The following CFAP47 variants were observed in gnomAD, a reference collection of about 807,000 sequenced individuals.
CFAP47 encodes the protein cilia- and flagella-associated protein 47.
A neutral mutation model predicts 148.1 loss-of-function variants in CFAP47; 29 were observed. The observed-to-expected ratio is 0.20, with a 90% CI of 0.15 to 0.27. The LOEUF is 0.27. Ranked by LOEUF, CFAP47 falls within the 10% of genes least tolerant of loss-of-function variation. CFAP47 has a pLI of 1.00. For synonymous variants in CFAP47, 664 were observed against 577.3 expected (o/e 1.15, Z -2.15); for missense variants, 1,872 against 1,697.5 (o/e 1.10, Z -1.81).
At position 35,966,696 on chromosome X, in the gene CFAP47, A is replaced by C; in HGVS notation, c.1542A>C (p.Leu514Phe). Residue 514 changes from leucine (L) to phenylalanine (F), a missense_variant, in exon 9 of 64, where the codon TTA (leucine) becomes TTC (phenylalanine). Transcript: ENST00000378653. The part of the protein sequence containing the change: ...LSVKSFHHVY[L>F]AFNSICKAST... ...TAAAATCTTTCCATCACGTATATTT[A>C]GCTTTCAACAGCATCTGTAAAGCTT... 8.5e-7 allele frequency: 1 copy of C among 1,181,226 alleles called. No homozygotes were observed. Among genetic ancestry groups the C allele is most frequent in the Non-Finnish European group, 1.1e-6 (1 of 878,943 alleles).
chrX:35,980,278 A>G (rs746358731), intron 15 of CFAP47, among the ~76,000 whole-genome samples: 5 of 112,108 alleles, frequency 4.5e-5, no homozygotes, highest in South Asian at 3.7e-4. Context: ...ATTCCTGAAG[A>G]AAAAATATAT....
chrX:35,924,265 G>A (rs1028273044), intron 1 of CFAP47, among the ~76,000 whole-genome samples: 4 of 100,331 alleles, frequency 4.0e-5, no homozygotes, highest in Admixed American at 1.0e-4. Flanking sequence ...ACATGTATGT[G>A]TACATGTATG....
At chrX:36,237,621 C>T (rs781911735) in intron 48 of CFAP47, among the ~76,000 whole-genome samples, 7 of 112,191 alleles carry the variant, frequency 6.2e-5, no homozygotes, top group African/African-American at 1.6e-4. Flanking sequence ...TGAGCCACTG[C>T]GCCTGGCCTA....
intron 37 of CFAP47, among the ~76,000 whole-genome samples, chrX:36,159,179 T>C (rs2146848794): frequency 8.9e-6 from 1 of 112,060 alleles, no homozygotes; most frequent in East Asian, 2.8e-4. Flanking sequence ...TGGTTTCCTG[T>C]GGCTTGCTGT....
intron 8 of CFAP47, among the ~76,000 whole-genome samples, chrX:35,963,629 A>C (rs191595150): frequency 8.1e-5 from 9 of 111,206 alleles, no homozygotes; most frequent in Admixed American, 1.9e-4. Flanking sequence ...CTATAATTAC[A>C]TATCCTCCTA....
At chrX:36,156,848 A>G (rs1939373609) in intron 37 of CFAP47, among the ~76,000 whole-genome samples, 1 of 111,248 alleles carries the variant, frequency 9.0e-6, no homozygotes, top group Non-Finnish European at 1.9e-5. Flanking sequence ...ATAATTACCT[A>G]TACTTAAGAG....
At position 36,039,189 on chromosome X, in the gene CFAP47, C is replaced by T. The variant is rs1231922355; in HGVS notation, c.4007+10C>T. 6 of 938,290 alleles carry T rather than the reference C, an allele frequency of 6.4e-6. No homozygotes were observed. Among genetic ancestry groups the T allele is most frequent in the Non-Finnish European group, 8.5e-6 (6 of 703,005 alleles). The allele number at this position is 938,290 out of a possible 1,213,427, so 77.3% of individuals were successfully genotyped here. On this transcript the variant is annotated intron_variant, in intron 25 of 63. Coordinates refer to ENST00000378653, the MANE Select transcript of CFAP47 (RefSeq NM_001304548.2). ...CTCAAAACTATTTCAGGTAAATACT[C>T]AATGTGAATTTACCACATTTTCTTT... is the stretch of plus-strand genomic sequence containing the variant.
chrX:36,157,960 T>C (rs67763378), intron 37 of CFAP47, among the ~76,000 whole-genome samples: 10,900 of 111,638 alleles, frequency 0.098, 1,058 homozygotes, highest in African/African-American at 0.3. Context: ...TTGCACACAA[T>C]TGAAATTGTT....
intron 22 of CFAP47, among the ~76,000 whole-genome samples, chrX:36,028,001 G>T (rs1395138002): frequency 9.9e-5 from 11 of 111,237 alleles, no homozygotes; most frequent in Admixed American, 9.6e-4. Flanking sequence ...TTTTAATGGG[G>T]TTATTTGTTT....
At chrX:36,209,631 A>T (rs1230189752) in intron 45 of CFAP47, among the ~76,000 whole-genome samples, 1 of 111,274 alleles carries the variant, frequency 9.0e-6, no homozygotes, top group East Asian at 2.8e-4. Context: ...ACCATAAAGG[A>T]TACTTGTCAT....
chrX:35,930,392 T>TTTGA (rs778269494), intron 2 of CFAP47, among the ~76,000 whole-genome samples: 2 of 111,296 alleles, frequency 1.8e-5, no homozygotes, highest in African/African-American at 3.3e-5. Flanking sequence ...TGGTTTATAG[T>TTTGA]TTGATTGATT....
At chrX:36,240,750 T>G (rs1428691887) in intron 48 of CFAP47, among the ~76,000 whole-genome samples, 1 of 111,733 alleles carries the variant, frequency 8.9e-6, no homozygotes, top group African/African-American at 3.3e-5. Flanking sequence ...TTTATTAAAC[T>G]TTAAACCACA....
At chrX:35,960,249 T>C (rs890773001) in intron 8 of CFAP47, among the ~76,000 whole-genome samples, 2 of 107,799 alleles carry the variant, frequency 1.9e-5, no homozygotes, top group Non-Finnish European at 3.8e-5. Context: ...CTGTAATTAC[T>C]GCAGCTTTAT....
chrX:36,338,875 G>C (rs962076635), intron 57 of CFAP47, among the ~76,000 whole-genome samples: 4 of 111,499 alleles, frequency 3.6e-5, no homozygotes, highest in African/African-American at 1.3e-4. Context: ...TTATCACAGA[G>C]ACCTTCCTGG....
intron 20 of CFAP47, 143 bp downstream of exon 20, chrX:36,000,570 T>G: frequency 3.9e-6 from 1 of 259,192 alleles, no homozygotes; most frequent in East Asian, 5.6e-5. Flanking sequence ...TCTTACACTC[T>G]GTAACTCATC....
intron 6 of CFAP47, 25 bp from the exon 7 acceptor site, chrX:35,953,567 A>G (rs6629023): frequency 0.094 from 108,704 of 1,151,883 alleles, 7,274 homozygotes; most frequent in African/African-American, 0.4. Context: ...TGCTTTAAAA[A>G]TAACTCATTG....
intron 15 of CFAP47, 83 bp downstream of exon 15, chrX:35,975,996 G>A: frequency 2.1e-6 from 2 of 948,075 alleles, no homozygotes; most frequent in Non-Finnish European, 3.0e-6. Flanking sequence ...TATTGAGTGT[G>A]TACTGTGTAC....
Position 36,340,825 on chromosome X carries a change from T to A in CFAP47, c.8444-7304T>A, listed in dbSNP as rs782818050. Among the ~76,000 whole-genome samples, 595 of 110,762 alleles carry A rather than the reference T, an allele frequency of 5.4e-3. 1 individual carries two copies. Among genetic ancestry groups the A allele is most frequent in the African/African-American group, 0.019 (568 of 30,549 alleles). Reference sequence around the variant, plus strand: ...AGAGTAATTATGTTCTATTTTTATTTAAAAAAATTAACTACTGGAAACACA... The same window carrying A: ...AGAGTAATTATGTTCTATTTTTATTAAAAAAAATTAACTACTGGAAACACA... On this transcript the variant is annotated intron_variant, in intron 57 of 63. Coordinates refer to ENST00000378653, the MANE Select transcript of CFAP47 (RefSeq NM_001304548.2).
chrX:35,961,341 G>T (rs1387707053), intron 8 of CFAP47, among the ~76,000 whole-genome samples: 2 of 111,570 alleles, frequency 1.8e-5, no homozygotes, highest in African/African-American at 6.5e-5. Context: ...GCCACAGAAT[G>T]AATTGAGAAT....
Sources: allele counts gnomAD v4.1 joint callset (sites outside exome capture counted in the v4.1 genomes callset), GRCh38; gene constraint gnomAD v4.1.1; transcripts MANE v1.5; gene names NCBI Gene and HGNC (gene_info 2026-07-23, HGNC 2026-07-21).